ZNF267: variants seen among roughly 807,000 people sequenced by gnomAD.
ZNF267 encodes zinc finger protein 267.
ZNF267 carries 61 observed loss-of-function variants against 71.6 expected under a neutral mutation model. The observed-to-expected ratio is 0.85, with a 90% CI of 0.69 to 1.05. ZNF267 has a LOEUF of 1.05. ZNF267 is among the 50% of genes least tolerant of loss of function. The probability of loss-of-function intolerance (pLI) is 0.00; values close to 1 mark genes in which losing one functional copy is unlikely to be tolerated. For synonymous variants in ZNF267, 288 were observed against 293.2 expected, an observed-to-expected ratio of 0.98 and a Z score of 0.18; for missense variants, 852 against 870.0, an observed-to-expected ratio of 0.98 and a Z score of 0.26.
chr16:31,915,945 C>T lies in ZNF267; in HGVS notation c.1696C>T (p.His566Tyr), dbSNP rs778811812. 1 of 1,613,904 alleles carries T rather than the reference C, an allele frequency of 6.2e-7. No individual in the cohort carries two copies. ...AFPYSSHLIRHHRIHTGEKPY... is the reference protein window; with the variant it reads ...AFPYSSHLIRYHRIHTGEKPY... ...TCCTTATAGTTCACACCTTATTCGA[C>T]ATCATCGAATTCATACTGGAGAAAA... is the stretch of plus-strand genomic sequence containing the variant. The change falls in exon 4 of 4, where the codon CAT becomes TAT. Residue 566 changes from histidine (H) to tyrosine (Y), a missense_variant. Transcript: ENST00000300870.
intron 3 of ZNF267, among the ~76,000 whole-genome samples, chr16:31,897,555 C>T (rs2084009049): frequency 6.6e-6 from 1 of 151,424 alleles, no homozygotes; most frequent in Non-Finnish European, 1.5e-5. Context: ...CCTTTTTTTC[C>T]CCCCAAGATT....
intron 3 of ZNF267, among the ~76,000 whole-genome samples, chr16:31,901,045 G>A (rs1425676166): frequency 6.6e-6 from 1 of 152,044 alleles, no homozygotes; most frequent in Non-Finnish European, 1.5e-5. Context: ...GTGAGAACAT[G>A]CGGTGTTTCG....
Position 31,874,094 on chromosome 16 carries a change from A to AGC in ZNF267, c.3+125_3+126insGC, listed in dbSNP as rs1233571801. On this transcript the variant is annotated intron_variant, in intron 1 of 3. Transcript: ENST00000300870. ...CTCGGGGTCTGGGCCCCGAGTCCCA[A>AGC]CTGGTGCAGCTCGGCCCTCGGTCCC... 3.7e-6 allele frequency: 4 copies of AGC among 1,095,754 alleles called. No individual in the cohort carries two copies. The East Asian group carries it at 9.9e-5, about 27-fold the overall frequency. 67.9% of individuals were successfully genotyped at this position (1,095,754 alleles called of 1,614,324 possible). A position where few individuals can be genotyped will look rare whatever the true frequency, so the allele number is the denominator to read the frequency against.
chr16:31,892,535 A>G (rs1186117214), intron 3 of ZNF267, among the ~76,000 whole-genome samples: 1 of 152,196 alleles, frequency 6.6e-6, no homozygotes, highest in Non-Finnish European at 1.5e-5. Context: ...CACAGTCCAG[A>G]GTCTCATCTG....
chr16:31,910,428 T>A (rs185136418), intron 3 of ZNF267, among the ~76,000 whole-genome samples: 1 of 151,658 alleles, frequency 6.6e-6, no homozygotes, highest in Non-Finnish European at 1.5e-5. Flanking sequence ...AACTTGTTAC[T>A]TCTTATTGGT....
chr16:31,903,111 C>A (rs2084055442), intron 3 of ZNF267, among the ~76,000 whole-genome samples: 1 of 152,182 alleles, frequency 6.6e-6, no homozygotes, highest in South Asian at 2.1e-4. Context: ...GTATTTTGAA[C>A]CAGCCTTGCA....
intron 3 of ZNF267, among the ~76,000 whole-genome samples, chr16:31,902,674 A>G (rs977858233): frequency 3.9e-5 from 6 of 152,198 alleles, no homozygotes; most frequent in Non-Finnish European, 7.3e-5. Context: ...GTTGCTTATC[A>G]GCTTAAGGAG....
intron 3 of ZNF267, among the ~76,000 whole-genome samples, chr16:31,902,477 G>T (rs1417179562): frequency 1.3e-5 from 2 of 152,128 alleles, no homozygotes; most frequent in East Asian, 1.9e-4. Flanking sequence ...TTGAGCAGTG[G>T]TTTGTAGTTC....
intron 3 of ZNF267, chr16:31,914,119 G>C: frequency 5.2e-6 from 1 of 193,290 alleles, no homozygotes; most frequent in Non-Finnish European, 1.1e-5. Context: ...AAGTCAGAAG[G>C]TGATGAATCC....
intron 1 of ZNF267, among the ~76,000 whole-genome samples, chr16:31,884,199 C>T (rs1436488345): frequency 1.3e-5 from 2 of 152,168 alleles, no homozygotes; most frequent in Non-Finnish European, 2.9e-5. Flanking sequence ...GAGAATTATA[C>T]ACAGCTGATT....
intron 3 of ZNF267, among the ~76,000 whole-genome samples, chr16:31,891,584 C>CTG (rs1253640178): frequency 6.6e-6 from 1 of 152,094 alleles, no homozygotes; most frequent in Non-Finnish European, 1.5e-5. Context: ...CGGGTCTTTC[C>CTG]TGTGCTATTC....
chr16:31,915,387 T>A lies in ZNF267; in HGVS notation c.1138T>A (p.Tyr380Asn), dbSNP rs901866953. Residue 380 changes from tyrosine to asparagine, a missense_variant, in exon 4 of 4, where the codon TAC becomes AAC. Tyr to Asn is a moderately radical substitution (Grantham distance 143). Coordinates refer to ENST00000300870, the MANE Select transcript of ZNF267 (RefSeq NM_003414.6). ...QQQIDTGENL[Y>N]KCKACSKSFT... ...GCAAATTGATACTGGAGAAAACCTT[T>A]ACAAATGTAAAGCATGTAGCAAATC... 5.6e-6 allele frequency: 9 copies of A among 1,613,490 alleles called. No homozygotes were observed. In the Admixed American group the frequency reaches 1.0e-4, roughly 18 times the overall value.
intron 3 of ZNF267, among the ~76,000 whole-genome samples, chr16:31,908,888 T>G (rs4889568): frequency 0.86 from 131,331 of 151,900 alleles, 58,827 homozygotes; most frequent in East Asian, 1. Context: ...TTAGGATAGC[T>G]TTGCTATTCT....
rs772894921 is a variant in ZNF267, at chr16:31,915,501, C to T, written c.1252C>T (p.Arg418Cys). The change falls in exon 4 of 4, where the codon CGC becomes TGC. Residue 418 changes from arginine (R) to cysteine (C), a missense_variant. Physicochemically the swap from Arg to Cys is radical, Grantham distance 180 (BLOSUM62 -3). Transcript: ENST00000300870. The stretch of plus-strand genomic sequence containing the variant: ...ATGTAAAGAATGTGGCAAAGCCTTT[C>T]GCTGTAGTTCATACCTTACTAAACA... ...YKCKECGKAF[R>C]CSSYLTKHKR... is the part of the protein sequence containing the mutation. The T allele has an allele frequency of 1.6e-5, 25 of 1,608,690 alleles. No homozygotes were observed. The highest frequency in any genetic ancestry group is 7.8e-5 in the South Asian group (7 of 89,840).
chr16:31,873,961 T>A lies in ZNF267; in HGVS notation c.-6T>A. ...TAAGACGCCAGGGCATCCCGGAAGC[T>A]GGGAAATGGTGAGTGTGCGGGGTCG... is the stretch of plus-strand genomic sequence containing the variant. On this transcript the variant is annotated 5_prime_UTR_variant, in exon 1 of 4. Coordinates refer to ENST00000300870, the MANE Select transcript of ZNF267 (RefSeq NM_003414.6). The A allele has an allele frequency of 6.2e-7, 1 of 1,613,382 alleles. No homozygotes were observed. The highest frequency in any genetic ancestry group is 1.1e-5 in the South Asian group (1 of 91,022).
intron 3 of ZNF267, among the ~76,000 whole-genome samples, chr16:31,906,325 T>C (rs1004869042): frequency 1.3e-5 from 2 of 152,206 alleles, no homozygotes; most frequent in Non-Finnish European, 2.9e-5. Flanking sequence ...GACATTTAAG[T>C]CTGCAGATGT....
chr16:31,878,470 C>G (rs75025999), intron 1 of ZNF267, among the ~76,000 whole-genome samples: 2,113 of 152,306 alleles, frequency 0.014, 59 homozygotes, highest in African/African-American at 0.048. Flanking sequence ...CCCACAGCAC[C>G]TTTGCTTCCG....
At chr16:31,899,274 A>G (rs1377255608) in intron 3 of ZNF267, among the ~76,000 whole-genome samples, 1 of 152,200 alleles carries the variant, frequency 6.6e-6, no homozygotes. Context: ...TTGACCACAT[A>G]ATTGGAAGTA....
chr16:31,884,744 A>T (rs543310420), intron 2 of ZNF267, 120 bp downstream of exon 2: 3 of 1,095,154 alleles, frequency 2.7e-6, no homozygotes, highest in South Asian at 3.7e-5. Flanking sequence ...TCAGGAAAAA[A>T]ATAGGGGTTT....
Sources: allele counts gnomAD v4.1 joint callset (sites outside exome capture counted in the v4.1 genomes callset), GRCh38; gene constraint gnomAD v4.1.1; transcripts MANE v1.5; gene names NCBI Gene and HGNC (gene_info 2026-07-23, HGNC 2026-07-21).